NR2E1: variants seen among roughly 807,000 people sequenced by gnomAD.
The protein encoded by NR2E1 is nuclear receptor TLX.
NR2E1 carries 5 observed loss-of-function variants against 43.6 expected under a neutral mutation model. That is an observed-to-expected ratio of 0.11 (90% confidence interval 0.06 to 0.24). The LOEUF (loss-of-function observed/expected upper bound fraction) is 0.24. Among genes scored for constraint, NR2E1 ranks in the 10% least tolerant of loss-of-function variants. The probability of loss-of-function intolerance (pLI) is 1.00; values close to 1 mark genes in which losing one functional copy is unlikely to be tolerated. For synonymous variants in NR2E1, 191 were observed against 195.5 expected (o/e 0.98, Z 0.19); for missense variants, 287 against 496.7 (o/e 0.58, Z 4.01).
intron 1 of NR2E1, chr6:108,168,189 C>T (rs772227690): frequency 6.4e-7 from 1 of 1,562,104 alleles, no homozygotes; most frequent in Non-Finnish European, 8.7e-7. Context: ...TTTTGTTGCC[C>T]GCATTCCCGG....
At chr6:108,168,045 G>C in intron 1 of NR2E1, 3 of 1,600,490 alleles carry the variant, frequency 1.9e-6, no homozygotes, top group Non-Finnish European at 2.6e-6. Flanking sequence ...AGCTGGGGCA[G>C]AGGGAGCAGA....
chr6:108,187,275 T>G, intron 8 of NR2E1, 26 bp from the exon 9 acceptor site: 1 of 1,614,184 alleles, frequency 6.2e-7, no homozygotes, highest in Non-Finnish European at 8.5e-7. Flanking sequence ...CCTCTGACCT[T>G]GTTTTCATGG....
intron 8 of NR2E1, 41 bp downstream of exon 8, chr6:108,181,692 C>T (rs781777365): frequency 2.7e-6 from 4 of 1,506,074 alleles, no homozygotes; most frequent in Non-Finnish European, 2.8e-6. Flanking sequence ...AAGAAAATTG[C>T]CTCCATTGTG....
intron 2 of NR2E1, 32 bp from the exon 3 acceptor site, chr6:108,174,803 TG>T: frequency 6.3e-7 from 1 of 1,598,568 alleles, no homozygotes; most frequent in Non-Finnish European, 8.6e-7. Context: ...CTAAAGGCCC[TG>T]GGGACCGCTG....
intron 1 of NR2E1, among the ~76,000 whole-genome samples, chr6:108,168,420 G>C (rs943777737): frequency 6.6e-6 from 1 of 152,242 alleles, no homozygotes; most frequent in East Asian, 1.9e-4. Context: ...TCAGAGGCGA[G>C]GGAGGGGTGA....
chr6:108,176,837 G>A, intron 4 of NR2E1, 99 bp downstream of exon 4: 1 of 1,179,428 alleles, frequency 8.5e-7, no homozygotes, highest in Non-Finnish European at 1.2e-6. Context: ...GGCAAACTGG[G>A]GAGAGAACTC....
At chr6:108,176,885 C>CT in intron 4 of NR2E1, 147 bp downstream of exon 4, 1 of 737,696 alleles carries the variant, frequency 1.4e-6, no homozygotes, top group Non-Finnish European at 2.2e-6. Context: ...AGCTCCAGCC[C>CT]TTCTGCTCTC....
At chr6:108,185,771 C>G (rs551081991) in intron 8 of NR2E1, among the ~76,000 whole-genome samples, 1 of 152,202 alleles carries the variant, frequency 6.6e-6, no homozygotes, top group Admixed American at 6.5e-5. Context: ...GACTAACCAA[C>G]CCTTTCCCAA....
At chr6:108,167,934 A>G (rs772560239) in intron 1 of NR2E1, 69 of 1,382,282 alleles carry the variant, frequency 5.0e-5, no homozygotes, top group Non-Finnish European at 6.8e-5. Flanking sequence ...ACCCCCCTCC[A>G]AGAAGGAGGT....
At chr6:108,184,012 G>C (rs563322461) in intron 8 of NR2E1, among the ~76,000 whole-genome samples, 6 of 152,066 alleles carry the variant, frequency 3.9e-5, no homozygotes, top group Non-Finnish European at 8.8e-5. Context: ...GGCCAACATG[G>C]TGAAACCCGT....
Position 108,166,928 on chromosome 6 carries a change from C to G in NR2E1, c.25+138C>G, listed in dbSNP as rs1773718799. ...ATTCCAGCGGGCGTGTGCGTTCGGC[C>G]CAGACCTGTAGACCGTGAGTTGGAG... On this transcript the variant is annotated intron_variant, in intron 1 of 8. Coordinates refer to ENST00000368986, the MANE Select transcript of NR2E1 (RefSeq NM_003269.5). The surrounding 1 kb of genome is among the most constrained non-coding windows in gnomAD (Gnocchi z 7.2). 1 of 934,146 alleles carries G rather than the reference C, an allele frequency of 1.1e-6. No homozygotes were observed. Among genetic ancestry groups the G allele is most frequent in the African/African-American group, 1.7e-5 (1 of 60,358 alleles). 57.9% of individuals were successfully genotyped at this position (934,146 alleles called of 1,614,324 possible). A position where few individuals can be genotyped will look rare whatever the true frequency, so the allele number is the denominator to read the frequency against.
At chr6:108,179,492 CTGTGTGTGTGTGTGTGTG>C (rs34907033) in intron 5 of NR2E1, among the ~76,000 whole-genome samples, 3 of 131,346 alleles carry the variant, frequency 2.3e-5, no homozygotes, top group Middle Eastern at 3.8e-3. Flanking sequence ...TAACCACTTC[CTGTGTGTGTGTGTGTGTG>C]TGTGTGTGTG....
intron 1 of NR2E1, chr6:108,167,914 C>A: frequency 8.5e-7 from 1 of 1,181,592 alleles, no homozygotes; most frequent in Non-Finnish European, 1.2e-6. Flanking sequence ...GATGCAATTC[C>A]CGCCCTCCTA....
intron 5 of NR2E1, among the ~76,000 whole-genome samples, chr6:108,178,665 T>C (rs980876500): frequency 6.6e-6 from 1 of 152,222 alleles, no homozygotes; most frequent in African/African-American, 2.4e-5. Context: ...GAACTGATGT[T>C]ATTATTTTAT....
chr6:108,185,451 C>A (rs567770219), intron 8 of NR2E1, among the ~76,000 whole-genome samples: 1 of 151,724 alleles, frequency 6.6e-6, no homozygotes, highest in South Asian at 2.1e-4. Flanking sequence ...GTTTTGGATG[C>A]CCAGGCTGCA....
chr6:108,182,590 A>C, intron 8 of NR2E1, among the ~76,000 whole-genome samples: 3 of 122,078 alleles, frequency 2.5e-5, no homozygotes, highest in South Asian at 2.5e-4. Flanking sequence ...ACAGAGTTTC[A>C]CTCTTTCACC....
chr6:108,185,804 G>T (rs1774067707), intron 8 of NR2E1, among the ~76,000 whole-genome samples: 1 of 152,346 alleles, frequency 6.6e-6, no homozygotes, highest in Admixed American at 6.5e-5. Flanking sequence ...ATAAGTGGGA[G>T]AGTAGATGAG....
At chr6:108,172,322 T>G (rs1773826936) in intron 2 of NR2E1, among the ~76,000 whole-genome samples, 1 of 152,222 alleles carries the variant, frequency 6.6e-6, no homozygotes, top group Non-Finnish European at 1.5e-5. Context: ...CAAGCTTCCA[T>G]ATCCCTGTCC....
At chr6:108,185,581 G>C (rs567196396) in intron 8 of NR2E1, among the ~76,000 whole-genome samples, 1 of 152,178 alleles carries the variant, frequency 6.6e-6, no homozygotes, top group Admixed American at 6.5e-5. Context: ...GTAGAGATGA[G>C]CCCTTGCTAT....
Sources: gnomAD v4.1 joint callset for allele counts (sites outside exome capture counted in the v4.1 genomes callset) on GRCh38, gnomAD v4.1.1 for gene constraint, Gnocchi (gnomAD v3.1) non-coding constraint, MANE v1.5 for transcripts, NCBI Gene and HGNC (gene_info 2026-07-23, HGNC 2026-07-21) for gene names.